CYB561: variants seen among roughly 807,000 people sequenced by gnomAD.
The protein encoded by CYB561 is transmembrane ascorbate-dependent reductase CYB561.
Under a neutral mutation model 25.3 loss-of-function variants are expected in CYB561, and 11 were observed. That is an observed-to-expected ratio of 0.44 (90% confidence interval 0.27 to 0.72). The LOEUF is 0.72. Ranked by LOEUF, CYB561 falls within the 30% of genes least tolerant of loss-of-function variation. The pLI is 0.18. For synonymous variants in CYB561, 165 were observed against 158.8 expected, an observed-to-expected ratio of 1.04 and a Z score of -0.29; for missense variants, 295 against 334.9, an observed-to-expected ratio of 0.88 and a Z score of 0.93.
intron 1 of CYB561, chr17:63,439,086 C>G (rs2147497353): frequency 6.6e-6 from 1 of 152,434 alleles, no homozygotes; most frequent in East Asian, 1.9e-4. Context: ...CAGTGGCCAG[C>G]ACAGGGGCAC....
chr17:63,439,885 A>G (rs556991098), intron 1 of CYB561, among the ~76,000 whole-genome samples: 1 of 152,252 alleles, frequency 6.6e-6, no homozygotes, highest in East Asian at 1.9e-4. Flanking sequence ...TTTCGATTTC[A>G]GTTTTCCACC....
At chr17:63,438,096 AGCCTCCC>A (rs1456883122) in intron 1 of CYB561, 1 of 1,525,042 alleles carries the variant, frequency 6.6e-7, no homozygotes, top group Admixed American at 2.0e-5. Flanking sequence ...GGAGGGGCCC[AGCCTCCC>A]CACGGGGACA....
At chr17:63,437,014 T>C in intron 2 of CYB561, 2 of 380,180 alleles carry the variant, frequency 5.3e-6, no homozygotes, top group Admixed American at 4.4e-5. Context: ...ATGATTACTT[T>C]TTTTCCCTCA....
rs1381702557 is a variant in CYB561, at chr17:63,438,139, G to A, written c.-13-579C>T. On this transcript the variant is annotated intron_variant, in intron 1 of 5. Transcript: ENST00000360793. ...GGCGTGACCTGGGACACGACGCCAGGAGTTCCATATGCGGTGAGGGTGCAA... is the reference window on the plus strand; with the variant it reads ...GGCGTGACCTGGGACACGACGCCAGAAGTTCCATATGCGGTGAGGGTGCAA... 7 of 1,535,340 alleles carry A rather than the reference G, an allele frequency of 4.6e-6. No homozygotes were observed. In the Admixed American group the frequency reaches 5.9e-5, roughly 13 times the overall value.
chr17:63,438,134 G>A, intron 1 of CYB561: 3 of 1,535,242 alleles, frequency 2.0e-6, no homozygotes, highest in Non-Finnish European at 8.7e-7. Flanking sequence ...GGGACACGAC[G>A]CCAGGAGTTC....
intron 1 of CYB561, chr17:63,437,995 C>T (rs1418709749): frequency 1.6e-6 from 2 of 1,212,466 alleles, no homozygotes; most frequent in South Asian, 3.0e-5. Flanking sequence ...CCCGAGGCTC[C>T]CGCTGGAAGC....
In CYB561 at chr17:63,434,384, C is replaced by T. The variant is rs767705060; in HGVS notation, c.*18G>A. Reference sequence around the variant, plus strand: ...GGCAAGAAGACACCCCGCGAACCCCCAGGGCCGGCCGGGCGCATCACTGGG... The same window carrying T: ...GGCAAGAAGACACCCCGCGAACCCCTAGGGCCGGCCGGGCGCATCACTGGG... On this transcript the variant is annotated 3_prime_UTR_variant, in exon 6 of 6. Transcript: ENST00000360793. 4 of 1,535,790 alleles carry T rather than the reference C, an allele frequency of 2.6e-6. No homozygotes were observed. In the South Asian group the frequency reaches 4.9e-5, roughly 19 times the overall value.
rs1435815498 is a variant in CYB561, at chr17:63,435,237, C to T, written c.412G>A (p.Val138Met). The change falls in exon 5 of 6, where the codon GTG (valine) becomes ATG (methionine). Residue 138 changes from valine (V) to methionine (M), a missense_variant. Physicochemically the swap from Val to Met is conservative, Grantham distance 21. Coordinates refer to ENST00000360793, the MANE Select transcript of CYB561 (RefSeq NM_001915.4). ...VFVLYFVQWL[V>M]GFSFFLFPGA... ...GGGAACAGGAAGAAGCTGAAGCCCACCAGCCACTAGGATTTGAAAGGAGAC... is the reference window on the plus strand; with the variant it reads ...GGGAACAGGAAGAAGCTGAAGCCCATCAGCCACTAGGATTTGAAAGGAGAC... 1.2e-6 allele frequency: 2 copies of T among 1,613,492 alleles called. No individual in the cohort carries two copies. The highest frequency in any genetic ancestry group is 1.7e-6 in the Non-Finnish European group (2 of 1,179,736).
At chr17:63,437,833 G>C (rs1336150863) in intron 1 of CYB561, 1 of 444,608 alleles carries the variant, frequency 2.2e-6, no homozygotes, top group Non-Finnish European at 3.9e-6. Flanking sequence ...CACCCCGCTA[G>C]ATGGGCACAG....
chr17:63,441,802 G>C (rs566940792), intron 1 of CYB561, among the ~76,000 whole-genome samples: 1 of 152,338 alleles, frequency 6.6e-6, no homozygotes, highest in East Asian at 1.9e-4. Flanking sequence ...AAGCTGCTTT[G>C]ACGCAGGGGA....
intron 1 of CYB561, among the ~76,000 whole-genome samples, chr17:63,445,545 C>T (rs2049415183): frequency 6.6e-6 from 1 of 152,012 alleles, no homozygotes; most frequent in South Asian, 2.1e-4. Flanking sequence ...GACCCCAGAT[C>T]CACACGGATG....
intron 1 of CYB561, among the ~76,000 whole-genome samples, chr17:63,442,088 G>A (rs1002828781): frequency 1.3e-5 from 2 of 152,250 alleles, no homozygotes; most frequent in South Asian, 4.1e-4. Flanking sequence ...ACAGCAGCCT[G>A]CTTCTGATTC....
chr17:63,437,917 C>T (rs2049329114), intron 1 of CYB561: 3 of 554,720 alleles, frequency 5.4e-6, no homozygotes, highest in African/African-American at 4.3e-5. Flanking sequence ...CCCACGGATG[C>T]GCACAGCCCC....
intron 1 of CYB561, among the ~76,000 whole-genome samples, chr17:63,440,000 C>G (rs2049358499): frequency 6.6e-6 from 1 of 152,192 alleles, no homozygotes; most frequent in Non-Finnish European, 1.5e-5. Flanking sequence ...CAAATCATCT[C>G]CCAGAAACAT....
chr17:63,438,668 A>G (rs2049343191), intron 1 of CYB561, among the ~76,000 whole-genome samples: 1 of 152,184 alleles, frequency 6.6e-6, no homozygotes, highest in South Asian at 2.1e-4. Flanking sequence ...GGGGCCGGGT[A>G]GAGCTCAGCA....
Sources: allele counts gnomAD v4.1 joint callset (sites outside exome capture counted in the v4.1 genomes callset), GRCh38; gene constraint gnomAD v4.1.1; transcripts MANE v1.5; gene names NCBI Gene and HGNC (gene_info 2026-07-23, HGNC 2026-07-21).